DYNC1I1: variants seen among roughly 807,000 people sequenced by gnomAD.
DYNC1I1 encodes the protein cytoplasmic dynein 1 intermediate chain 1.
DYNC1I1 carries 43 observed loss-of-function variants against 86.6 expected under a neutral mutation model. The ratio of observed to expected loss-of-function variants is 0.50; its 90% CI spans 0.39 to 0.64. The LOEUF is 0.64. Ranked by LOEUF, DYNC1I1 falls within the 30% of genes least tolerant of loss-of-function variation. The pLI is 0.00. For synonymous variants in DYNC1I1, 262 were observed against 283.7 expected, an observed-to-expected ratio of 0.92 and a Z score of 0.77; for missense variants, 604 against 788.8, an observed-to-expected ratio of 0.77 and a Z score of 2.81.
intron 9 of DYNC1I1, among the ~76,000 whole-genome samples, chr7:95,989,992 G>A (rs552641769): frequency 2.0e-5 from 3 of 152,096 alleles, no homozygotes; most frequent in Non-Finnish European, 2.9e-5. Context: ...CAGTGGTGGC[G>A]TGTGTGTCTA....
chr7:96,053,390 T>C (rs1265216952), intron 14 of DYNC1I1, among the ~76,000 whole-genome samples: 1 of 152,220 alleles, frequency 6.6e-6, no homozygotes, highest in Non-Finnish European at 1.5e-5. Context: ...TTATGTTTAC[T>C]GGCTTCTATA....
At chr7:96,107,689 A>C (rs1400726977) in intron 16 of DYNC1I1, among the ~76,000 whole-genome samples, 3 of 151,418 alleles carry the variant, frequency 2.0e-5, no homozygotes, top group Non-Finnish European at 4.4e-5. Flanking sequence ...GTGCCACCAC[A>C]CTCGGCTAAT....
rs187079795 is a variant in DYNC1I1, at chr7:95,814,131, A to T, written c.314+794A>T. 2.8e-4 allele frequency among the ~76,000 whole-genome samples: 43 copies of T among 152,304 alleles called. No individual in the cohort carries two copies. In the East Asian group the frequency reaches 7.5e-3, roughly 27 times the overall value. ...AGTATGGCAACTGCACCCAATTCTT[A>T]AAGGCCAGATGGCCCCCTCATAGCT... On this transcript the variant is annotated intron_variant, in intron 4 of 16. Transcript: ENST00000447467.
At chr7:95,916,674 G>C (rs910057226) in intron 6 of DYNC1I1, among the ~76,000 whole-genome samples, 1 of 151,830 alleles carries the variant, frequency 6.6e-6, no homozygotes, top group Admixed American at 6.6e-5. Flanking sequence ...TTTGACATAC[G>C]CAGCCTTCCC....
At chr7:95,800,943 A>G (rs1794562713) in intron 1 of DYNC1I1, among the ~76,000 whole-genome samples, 1 of 152,236 alleles carries the variant, frequency 6.6e-6, no homozygotes, top group Non-Finnish European at 1.5e-5. Flanking sequence ...CAGACTAGCA[A>G]GCCCCCCAGG....
At chr7:95,778,521 C>G (rs1793904155) in intron 1 of DYNC1I1, among the ~76,000 whole-genome samples, 1 of 152,178 alleles carries the variant, frequency 6.6e-6, no homozygotes, top group African/African-American at 2.4e-5. Flanking sequence ...CCAGAAGGAG[C>G]TGCACAGAGG....
chr7:95,916,773 G>A (rs1167681728), intron 6 of DYNC1I1, among the ~76,000 whole-genome samples: 1 of 152,114 alleles, frequency 6.6e-6, no homozygotes, highest in Non-Finnish European at 1.5e-5. Flanking sequence ...CCAGTAGAGG[G>A]CGCTGCTGGC....
At chr7:95,862,198 A>G (rs1789901286) in intron 5 of DYNC1I1, among the ~76,000 whole-genome samples, 1 of 152,194 alleles carries the variant, frequency 6.6e-6, no homozygotes, top group South Asian at 2.1e-4. Context: ...AAATAGATAT[A>G]TTGGATTTTA....
At chr7:95,959,771 C>T (rs1208769810) in intron 6 of DYNC1I1, among the ~76,000 whole-genome samples, 1 of 152,064 alleles carries the variant, frequency 6.6e-6, no homozygotes, top group Non-Finnish European at 1.5e-5. Context: ...ATTAATAGAA[C>T]TTACTCATAT....
intron 6 of DYNC1I1, among the ~76,000 whole-genome samples, chr7:95,919,009 G>A (rs1264414134): frequency 2.0e-5 from 3 of 152,118 alleles, no homozygotes; most frequent in Non-Finnish European, 4.4e-5. Context: ...AGATGGGAGG[G>A]ACACTGAAGA....
intron 6 of DYNC1I1, among the ~76,000 whole-genome samples, chr7:95,963,937 C>T (rs1396067639): frequency 6.6e-6 from 1 of 152,106 alleles, no homozygotes; most frequent in Non-Finnish European, 1.5e-5. Flanking sequence ...AAATGCTTCC[C>T]TTAAGACTCT....
intron 16 of DYNC1I1, 36 bp from the exon 17 acceptor site, chr7:96,097,447 T>A (rs767795886): frequency 6.2e-7 from 1 of 1,611,492 alleles, no homozygotes; most frequent in African/African-American, 1.3e-5. Flanking sequence ...ATGAAAGATA[T>A]CTTGTTCATC....
chr7:96,080,289 A>C lies in DYNC1I1; in HGVS notation c.1651-74A>C, dbSNP rs907520438. On this transcript the variant is annotated intron_variant, in intron 15 of 16. Coordinates refer to ENST00000447467, the MANE Select transcript of DYNC1I1 (RefSeq NM_001135556.2). ...GGCAGTTGGTGACTCATCCAGTTAAACGTATTATTGTAAATTTGTATATTT... is the reference window on the plus strand; with the variant it reads ...GGCAGTTGGTGACTCATCCAGTTAACCGTATTATTGTAAATTTGTATATTT... The C allele has an allele frequency of 2.7e-6, 4 of 1,501,762 alleles. No individual in the cohort carries two copies. In the African/African-American group the frequency reaches 5.7e-5, roughly 21 times the overall value. 93.0% of individuals were successfully genotyped at this position (1,501,762 alleles called of 1,614,324 possible).
intron 1 of DYNC1I1, chr7:95,802,860 A>C (rs1039754623): frequency 2.0e-5 from 3 of 152,102 alleles, no homozygotes; most frequent in African/African-American, 7.2e-5. Context: ...CATCTCTTGC[A>C]CTCAATCTGT....
At chr7:95,965,381 G>A (rs1312789197) in intron 6 of DYNC1I1, among the ~76,000 whole-genome samples, 3 of 152,144 alleles carry the variant, frequency 2.0e-5, no homozygotes, top group African/African-American at 7.2e-5. Context: ...GGAATGTGGA[G>A]CTTCAAAAAC....
chr7:95,813,840 T>C (rs1220940306), intron 4 of DYNC1I1, among the ~76,000 whole-genome samples: 1 of 152,158 alleles, frequency 6.6e-6, no homozygotes, highest in Non-Finnish European at 1.5e-5. Context: ...TTATTGGTAG[T>C]AGTAGTATCA....
chr7:95,814,987 T>TG (rs4014677), intron 4 of DYNC1I1, among the ~76,000 whole-genome samples: 14,349 of 151,438 alleles, frequency 0.095, 729 homozygotes, highest in South Asian at 0.15. Context: ...TCACATTTCT[T>TG]GGGGGGGGTC....
chr7:95,965,029 C>G (rs1182271551), intron 6 of DYNC1I1, among the ~76,000 whole-genome samples: 1 of 152,122 alleles, frequency 6.6e-6, no homozygotes, highest in Non-Finnish European at 1.5e-5. Context: ...ATGGCGTGGT[C>G]TTGTGCTGGG....
intron 16 of DYNC1I1, among the ~76,000 whole-genome samples, chr7:96,093,907 A>G (rs1469606799): frequency 6.6e-6 from 1 of 152,186 alleles, no homozygotes; most frequent in Non-Finnish European, 1.5e-5. Flanking sequence ...ATCCATAGTG[A>G]TACTCTAGAT....
Sources: allele counts gnomAD v4.1 joint callset (sites outside exome capture counted in the v4.1 genomes callset), GRCh38; gene constraint gnomAD v4.1.1; transcripts MANE v1.5; gene names NCBI Gene and HGNC (gene_info 2026-07-23, HGNC 2026-07-21).